The following ADAM32 variants were observed in gnomAD, a reference collection of about 807,000 sequenced individuals.
ADAM32 encodes the protein ADAM metallopeptidase domain 32.
A neutral mutation model predicts 114.9 loss-of-function variants in ADAM32; 89 were observed. The ratio of observed to expected loss-of-function variants is 0.77; its 90% CI spans 0.65 to 0.92. The LOEUF is 0.92. Among genes scored for constraint, ADAM32 ranks in the 40% least tolerant of loss-of-function variants. The pLI is 0.00. For synonymous variants in ADAM32, 285 were observed against 307.5 expected (o/e 0.93, Z 0.77); for missense variants, 870 against 932.8 (o/e 0.93, Z 0.88).
chr8:39,175,830 C>T (rs1053082974), intron 10 of ADAM32, among the ~76,000 whole-genome samples: 5 of 152,076 alleles, frequency 3.3e-5, no homozygotes, highest in African/African-American at 1.2e-4. Context: ...GGTTGATAGG[C>T]TATTCATTAG....
In ADAM32 at chr8:39,230,408, G is replaced by T. The variant is rs567358949; in HGVS notation, c.1526-1619G>T. Among the ~76,000 whole-genome samples the T allele has an allele frequency of 5.3e-5, 8 of 152,288 alleles. No individual in the cohort carries two copies. In the South Asian group the frequency reaches 1.7e-3, roughly 32 times the overall value. ...TTGGTAACTTTAGATGCCACACGTA[G>T]ACTAATAAAATTGAGTTGGTTGGCG... On this transcript the variant is annotated intron_variant, in intron 14 of 24. Coordinates refer to ENST00000379907, the MANE Select transcript of ADAM32 (RefSeq NM_145004.7).
intron 3 of ADAM32, among the ~76,000 whole-genome samples, chr8:39,138,572 A>C (rs879563331): frequency 2.0e-5 from 3 of 152,156 alleles, no homozygotes; most frequent in Non-Finnish European, 4.4e-5. Flanking sequence ...CCATTCTAGC[A>C]TTGATGGACT....
In ADAM32 at chr8:39,160,889, T is replaced by A; in HGVS notation, c.526-8T>A. The A allele has an allele frequency of 6.3e-7, 1 of 1,578,440 alleles. No homozygotes were observed. Among genetic ancestry groups the A allele is most frequent in the Non-Finnish European group, 8.6e-7 (1 of 1,163,972 alleles). On this transcript the variant is annotated splice_region_variant and splice_polypyrimidine_tract_variant and intron_variant, in intron 6 of 24. Transcript: ENST00000379907. Reference sequence around the variant, plus strand: ...TCATGTATTATATGCTGTTTTCCTTTTTTCTAGTCAGAACCAGCTGTTCCA... The same window carrying A: ...TCATGTATTATATGCTGTTTTCCTTATTTCTAGTCAGAACCAGCTGTTCCA...
Position 39,223,194 on chromosome 8 carries a change from A to T in ADAM32, c.1481A>T (p.Asp494Val). The T allele has an allele frequency of 6.3e-7, 1 of 1,599,420 alleles. No individual in the cohort carries two copies. The highest frequency in any genetic ancestry group is 8.5e-7 in the Non-Finnish European group (1 of 1,173,778). ...AATAAGTTTATTTGTTATGACGGAG[A>T]CTGCCATGATCTCGATGCACGTTGT... ...KNNKFICYDG[D>V]CHDLDARCES... is the part of the protein sequence containing the mutation. Residue 494 changes from aspartate to valine, a missense_variant, in exon 14 of 25, where the codon GAC becomes GTC. By Grantham distance (152) the Asp-to-Val change is radical. Transcript: ENST00000379907.
intron 3 of ADAM32, among the ~76,000 whole-genome samples, chr8:39,139,643 A>T (rs1803021661): frequency 6.6e-6 from 1 of 152,066 alleles, no homozygotes; most frequent in Non-Finnish European, 1.5e-5. Context: ...GCTTAGGATT[A>T]TCTTGGCAAT....
At chr8:39,138,072 C>T (rs1044393717) in intron 3 of ADAM32, among the ~76,000 whole-genome samples, 6 of 152,044 alleles carry the variant, frequency 3.9e-5, no homozygotes, top group African/African-American at 1.4e-4. Flanking sequence ...GCCTAACGAC[C>T]ATTAGGAAGC....
chr8:39,275,643 A>G (rs1271143303), intron 21 of ADAM32, among the ~76,000 whole-genome samples, 185 bp from the exon 22 acceptor site: 2 of 152,254 alleles, frequency 1.3e-5, no homozygotes, highest in Non-Finnish European at 2.9e-5. Flanking sequence ...TGGACATTGT[A>G]TATGAATAAA....
At chr8:39,116,203 G>A (rs1228795587) in intron 1 of ADAM32, among the ~76,000 whole-genome samples, 2 of 152,164 alleles carry the variant, frequency 1.3e-5, no homozygotes, top group Non-Finnish European at 2.9e-5. Context: ...GCTTAGGATT[G>A]CTTTGGCTCT....
intron 14 of ADAM32, among the ~76,000 whole-genome samples, chr8:39,228,448 G>A (rs1324290805): frequency 6.6e-6 from 1 of 151,998 alleles, no homozygotes; most frequent in Non-Finnish European, 1.5e-5. Context: ...AGAAGTGAAG[G>A]GAGAATTATT....
At chr8:39,277,541 C>T (rs1162600140) in intron 22 of ADAM32, among the ~76,000 whole-genome samples, 2 of 152,186 alleles carry the variant, frequency 1.3e-5, no homozygotes, top group Non-Finnish European at 2.9e-5. Flanking sequence ...GACAGGGGTG[C>T]CTCGTTTACT....
intron 2 of ADAM32, among the ~76,000 whole-genome samples, chr8:39,129,254 A>C (rs1802298017): frequency 6.6e-6 from 1 of 151,872 alleles, no homozygotes. Context: ...GTTGAATGGA[A>C]ATGGTAAGAG....
At chr8:39,140,339 G>A (rs962881438) in intron 3 of ADAM32, among the ~76,000 whole-genome samples, 116 of 151,966 alleles carry the variant, frequency 7.6e-4, no homozygotes, top group African/African-American at 2.8e-3. Context: ...ATCAATACCT[G>A]GTTTATTGAG....
At chr8:39,196,376 G>GT (rs979150599) in intron 11 of ADAM32, among the ~76,000 whole-genome samples, 11 of 152,070 alleles carry the variant, frequency 7.2e-5, no homozygotes, top group South Asian at 2.1e-4. Context: ...TACTATGTTG[G>GT]TTAAAAGTGG....
chr8:39,230,432 C>T (rs569758452), intron 14 of ADAM32, among the ~76,000 whole-genome samples: 55 of 152,206 alleles, frequency 3.6e-4, no homozygotes, highest in African/African-American at 1.3e-3. Context: ...AGTTGGTTGG[C>T]GACTATACTT....
chr8:39,232,761 G>C (rs1000493234), intron 15 of ADAM32, among the ~76,000 whole-genome samples: 3 of 152,096 alleles, frequency 2.0e-5, no homozygotes, highest in Non-Finnish European at 2.9e-5. Context: ...CCTCTATGAA[G>C]TTTTTCTTAA....
Position 39,254,445 on chromosome 8 carries a change from C to T in ADAM32, c.1934C>T (p.Ser645Leu), listed in dbSNP as rs757189886. The change falls in exon 18 of 25, where the codon TCG becomes TTG. Residue 645 changes from serine to leucine, a missense_variant. Ser to Leu is a moderately radical substitution (Grantham distance 145, BLOSUM62 -2). Transcript: ENST00000379907. The stretch of plus-strand genomic sequence containing the variant: ...GATTCCAGAAACAAGTGCCATTGTT[C>T]GCCAGGCTATAAGCCTCCAAACTGC... Reference protein sequence around the residue: ...VCDSRNKCHCSPGYKPPNCQI... With the variant: ...VCDSRNKCHCLPGYKPPNCQI... The T allele has an allele frequency of 3.7e-5, 59 of 1,601,064 alleles. No individual in the cohort carries two copies. In the Middle Eastern group the frequency reaches 6.6e-4, roughly 18 times the overall value.
At chr8:39,234,806 A>T (rs749453263) in intron 16 of ADAM32, among the ~76,000 whole-genome samples, 3 of 152,246 alleles carry the variant, frequency 2.0e-5, no homozygotes, top group Non-Finnish European at 4.4e-5. Flanking sequence ...TGGAAGTAGA[A>T]CACAACATCC....
At chr8:39,209,798 A>G (rs935638847) in intron 11 of ADAM32, among the ~76,000 whole-genome samples, 1 of 152,160 alleles carries the variant, frequency 6.6e-6, no homozygotes, top group Admixed American at 6.6e-5. Context: ...TCCAAGCCCA[A>G]AGTCTCTTGC....
At chr8:39,180,364 C>G (rs1805785620) in intron 10 of ADAM32, among the ~76,000 whole-genome samples, 1 of 152,210 alleles carries the variant, frequency 6.6e-6, no homozygotes, top group African/African-American at 2.4e-5. Flanking sequence ...GGGCAGGCCT[C>G]CGGACTGCAG....
Sources: gnomAD v4.1 joint callset for allele counts (sites outside exome capture counted in the v4.1 genomes callset) on GRCh38, gnomAD v4.1.1 for gene constraint, MANE v1.5 for transcripts, NCBI Gene and HGNC (gene_info 2026-07-23, HGNC 2026-07-21) for gene names.